The following SHANK2 variants were observed in gnomAD, a reference collection of about 807,000 sequenced individuals.
SHANK2 encodes SH3 and multiple ankyrin repeat domains protein 2.
SHANK2 carries 43 observed loss-of-function variants against 133.7 expected under a neutral mutation model. That is an observed-to-expected ratio of 0.32 (90% CI 0.25 to 0.41). The LOEUF is 0.41. Among genes scored for constraint, SHANK2 ranks in the 10% least tolerant of loss-of-function variants. The pLI is 1.00. For synonymous variants in SHANK2, 1,017 were observed against 952.8 expected (o/e 1.07, Z -1.24); for missense variants, 1,994 against 2,235.8 (o/e 0.89, Z 2.18).
At chr11:70,904,319 A>T (rs1319131166) in intron 10 of SHANK2, among the ~76,000 whole-genome samples, 11 of 152,090 alleles carry the variant, frequency 7.2e-5, no homozygotes, top group Admixed American at 7.2e-4. Context: ...GTAAAGCTAC[A>T]TGCTCAGGTC....
Position 71,150,974 on chromosome 11 carries a change from C to T in SHANK2, c.-12-3636G>A, listed in dbSNP as rs202043811. 3.3e-5 allele frequency among the ~76,000 whole-genome samples: 5 copies of T among 152,104 alleles called. No homozygotes were observed. The East Asian group carries it at 5.8e-4, about 18-fold the overall frequency. Reference sequence around the variant, plus strand: ...CATCTCTAGAAAAATCACAGGCTCCCGCCTCCTGAGCCCACTCCACCCACC... The same window carrying T: ...CATCTCTAGAAAAATCACAGGCTCCTGCCTCCTGAGCCCACTCCACCCACC... On this transcript the variant is annotated intron_variant, in intron 2 of 25. Coordinates refer to ENST00000601538, the MANE Select transcript of SHANK2 (RefSeq NM_012309.5).
chr11:71,060,266 A>AC (rs1950972262), intron 9 of SHANK2, among the ~76,000 whole-genome samples: 1 of 152,220 alleles, frequency 6.6e-6, no homozygotes, highest in Non-Finnish European at 1.5e-5. Flanking sequence ...CCCCATGGCA[A>AC]AAAACCATCC....
At chr11:71,092,634 C>A (rs781811402) in intron 7 of SHANK2, 45 bp from the exon 8 acceptor site, 27 of 1,537,048 alleles carry the variant, frequency 1.8e-5, no homozygotes, top group Non-Finnish European at 2.4e-5. Flanking sequence ...TCTCATGACC[C>A]CTTTTGCAGA....
chr11:70,508,813 C>T (rs1267853484), intron 17 of SHANK2, among the ~76,000 whole-genome samples: 3 of 152,184 alleles, frequency 2.0e-5, no homozygotes, highest in Admixed American at 6.5e-5. Flanking sequence ...CACCTGAGCT[C>T]TGGAGGTCGA....
At chr11:71,124,194 G>A (rs797039796) in intron 3 of SHANK2, among the ~76,000 whole-genome samples, 4 of 81,270 alleles carry the variant, frequency 4.9e-5, no homozygotes, top group African/African-American at 1.7e-4. Context: ...GATGGTGATG[G>A]TGATGATGGT....
intron 17 of SHANK2, among the ~76,000 whole-genome samples, chr11:70,530,122 G>A (rs374232460): frequency 1.3e-5 from 2 of 152,182 alleles, no homozygotes; most frequent in African/African-American, 2.4e-5. Flanking sequence ...TCACAGCAGC[G>A]TCATCGCAAT....
chr11:70,493,528 T>G (rs1331397538), intron 21 of SHANK2, among the ~76,000 whole-genome samples: 1 of 151,538 alleles, frequency 6.6e-6, no homozygotes, highest in African/African-American at 2.4e-5. Context: ...CGCCTTAGCT[T>G]CATCTCAGGG....
At chr11:70,952,865 A>T in intron 10 of SHANK2, 1 of 360,940 alleles carries the variant, frequency 2.8e-6, no homozygotes, top group Non-Finnish European at 6.0e-6. Context: ...TCAAGCAACA[A>T]ACCTTCCATG....
intron 3 of SHANK2, among the ~76,000 whole-genome samples, chr11:71,126,430 GATGGAGATGTACAAGGAGATA>G (rs1406581612): frequency 1.3e-5 from 2 of 152,116 alleles, no homozygotes; most frequent in East Asian, 3.9e-4. Context: ...CAAGAGTGCT[GATGGAGATGTACAAGGAGATA>G]AACGTTTTCA....
At chr11:70,923,998 GC>G (rs1950391011) in intron 10 of SHANK2, among the ~76,000 whole-genome samples, 1 of 152,222 alleles carries the variant, frequency 6.6e-6, no homozygotes, top group Admixed American at 6.5e-5. Flanking sequence ...ACTGCAGTGA[GC>G]CCCGTGTCTG....
At chr11:70,600,980 A>C (rs1221571679) in intron 17 of SHANK2, among the ~76,000 whole-genome samples, 1 of 151,976 alleles carries the variant, frequency 6.6e-6, no homozygotes, top group African/African-American at 2.4e-5. Context: ...TTGTCATAAA[A>C]GAATGAAAAG....
At chr11:70,677,539 G>A (rs185795358) in intron 15 of SHANK2, among the ~76,000 whole-genome samples, 8 of 152,282 alleles carry the variant, frequency 5.3e-5, no homozygotes, top group East Asian at 1.9e-4. Flanking sequence ...GGGCTGAAGC[G>A]TCTCCCAATG....
chr11:70,929,043 A>G (rs1555082083), intron 10 of SHANK2, among the ~76,000 whole-genome samples: 2 of 152,172 alleles, frequency 1.3e-5, no homozygotes, highest in African/African-American at 2.4e-5. Flanking sequence ...CTACTTTTTC[A>G]GCAAAAGAAG....
rs377055711 is a variant in SHANK2 at position 70,803,617 on chromosome 11, C to T, written c.1663+3385G>A. Among the ~76,000 whole-genome samples the T allele has an allele frequency of 4.3e-4, 66 of 152,074 alleles. 1 individual carries two copies. The highest frequency in any genetic ancestry group is 1.5e-3 in the African/African-American group (63 of 41,500). On this transcript the variant is annotated intron_variant, in intron 13 of 25. Transcript: ENST00000601538. The stretch of plus-strand genomic sequence containing the variant: ...GGGATGGATGGCCAGGAGATCTGCA[C>T]ATTTAACAAACTCCTCTCATGTCTC...
chr11:70,541,169 T>C (rs1342987939), intron 17 of SHANK2, among the ~76,000 whole-genome samples: 2 of 152,212 alleles, frequency 1.3e-5, no homozygotes, highest in African/African-American at 4.8e-5. Context: ...GTGTCGGTTT[T>C]CCCTCCTGCC....
chr11:70,629,339 C>T (rs1184509399), intron 17 of SHANK2, among the ~76,000 whole-genome samples: 15 of 152,214 alleles, frequency 9.9e-5, no homozygotes, highest in African/African-American at 1.7e-4. Flanking sequence ...TTCGAACTCT[C>T]TGAAGGGTTT....
intron 2 of SHANK2, among the ~76,000 whole-genome samples, chr11:71,160,881 G>A (rs1953000729): frequency 1.3e-5 from 2 of 152,224 alleles, no homozygotes; most frequent in Non-Finnish European, 2.9e-5. Flanking sequence ...TCCCTGGGCT[G>A]CTGAGCCTCC....
At chr11:71,121,563 A>C (rs1308094489) in intron 3 of SHANK2, among the ~76,000 whole-genome samples, 2 of 152,154 alleles carry the variant, frequency 1.3e-5, no homozygotes, top group Non-Finnish European at 2.9e-5. Flanking sequence ...GAAGCTCTTG[A>C]GTTTAATTAG....
At chr11:71,132,107 G>A (rs1184166265) in intron 3 of SHANK2, among the ~76,000 whole-genome samples, 3 of 152,184 alleles carry the variant, frequency 2.0e-5, no homozygotes, top group Middle Eastern at 3.2e-3. Flanking sequence ...GGCTGCTGCC[G>A]GGACGCAGAT....
Sources: allele counts gnomAD v4.1 joint callset (sites outside exome capture counted in the v4.1 genomes callset), GRCh38; gene constraint gnomAD v4.1.1; transcripts MANE v1.5; gene names NCBI Gene and HGNC (gene_info 2026-07-23, HGNC 2026-07-21).